The following PTPRJ variants were observed in gnomAD, a reference collection of about 807,000 sequenced individuals.
The protein encoded by PTPRJ is receptor-type tyrosine-protein phosphatase eta.
Under a neutral mutation model 141.3 loss-of-function variants are expected in PTPRJ, and 129 were observed. That is an observed-to-expected ratio of 0.91 (90% confidence interval 0.79 to 1.06). PTPRJ has a LOEUF of 1.06. Ranked by LOEUF, PTPRJ falls within the 50% of genes least tolerant of loss-of-function variation. The pLI, the probability that PTPRJ is intolerant of heterozygous loss-of-function variation, is 0.00. For synonymous variants in PTPRJ, 610 were observed against 640.5 expected (o/e 0.95, Z 0.72); for missense variants, 1,601 against 1,679.7 (o/e 0.95, Z 0.82).
chr11:47,980,772 G>A lies in PTPRJ; in HGVS notation c.-141G>A. On this transcript the variant is annotated 5_prime_UTR_variant, in exon 1 of 25. Coordinates refer to ENST00000418331, the MANE Select transcript of PTPRJ (RefSeq NM_002843.4). The stretch of plus-strand genomic sequence containing the variant: ...CATGTCTCCGGGGAAGCCCGGGGCG[G>A]GCGGAGCGGGGACGAGGCGGACCGG... The A allele has an allele frequency of 2.9e-6, 3 of 1,026,936 alleles. No individual in the cohort carries two copies. Among genetic ancestry groups the A allele is most frequent in the Non-Finnish European group, 3.5e-6 (3 of 859,302 alleles). 63.6% of individuals were successfully genotyped at this position (1,026,936 alleles called of 1,614,324 possible).
intron 1 of PTPRJ, among the ~76,000 whole-genome samples, chr11:48,104,087 C>T (rs942105040): frequency 3.3e-5 from 5 of 152,296 alleles, no homozygotes; most frequent in East Asian, 3.9e-4. Flanking sequence ...GCAGGGAAGC[C>T]GGCCTGTTCT....
chr11:48,043,298 C>T (rs1247877138), intron 1 of PTPRJ, among the ~76,000 whole-genome samples: 2 of 152,170 alleles, frequency 1.3e-5, no homozygotes, highest in African/African-American at 4.8e-5. Context: ...CTCACTGCAG[C>T]TTCGAACAGG....
intron 3 of PTPRJ, among the ~76,000 whole-genome samples, chr11:48,120,147 G>A (rs1856668613): frequency 6.6e-6 from 1 of 152,138 alleles, no homozygotes; most frequent in Admixed American, 6.5e-5. Flanking sequence ...TGTTTAGTGT[G>A]GTGTACTAGA....
At chr11:48,019,276 C>T (rs928148037) in intron 1 of PTPRJ, among the ~76,000 whole-genome samples, 2 of 152,146 alleles carry the variant, frequency 1.3e-5, no homozygotes, top group African/African-American at 4.8e-5. Context: ...GGAAGCATCC[C>T]GCCCTTCTGG....
At position 48,131,649 on chromosome 11, in the gene PTPRJ, T is replaced by C. The variant is rs1353248350; in HGVS notation, c.1615+933T>C. 12 of 678,852 alleles carry C rather than the reference T, an allele frequency of 1.8e-5. No individual in the cohort carries two copies. The East Asian group carries it at 2.9e-4, about 16-fold the overall frequency. 42.1% of individuals were successfully genotyped at this position (678,852 alleles called of 1,614,324 possible). A position where few individuals can be genotyped will look rare whatever the true frequency, so the allele number is the denominator to read the frequency against. On this transcript the variant is annotated intron_variant, in intron 8 of 24. Coordinates refer to ENST00000418331, the MANE Select transcript of PTPRJ (RefSeq NM_002843.4). ...GATCACAGCCATGTTCATTTGCTTA[T>C]GTACTGTCTATGGCTACTTTGGTGC...
intron 1 of PTPRJ, among the ~76,000 whole-genome samples, chr11:48,041,951 T>C (rs937311203): frequency 1.1e-4 from 12 of 113,502 alleles, no homozygotes; most frequent in Admixed American, 7.1e-4. Context: ...GCTTGGGCCC[T>C]GGAAGGTTCC....
chr11:48,118,888 T>G (rs1856632173), intron 3 of PTPRJ, among the ~76,000 whole-genome samples: 1 of 151,864 alleles, frequency 6.6e-6, no homozygotes, highest in South Asian at 2.1e-4. Context: ...GGCATGATGG[T>G]GTGTGCCTTT....
rs1472681 is a variant in PTPRJ at position 48,076,615 on chromosome 11, C to G, written c.97-33443C>G. 5.3e-5 allele frequency among the ~76,000 whole-genome samples: 8 copies of G among 151,630 alleles called. No homozygotes were observed. In the East Asian group the frequency reaches 1.6e-3, roughly 30 times the overall value. ...ACTTCAAAGCTCCCACCAGCTCAGA[C>G]ATACTTGCCACTGAAGCCTGTAGGA... On this transcript the variant is annotated intron_variant, in intron 1 of 24. Coordinates refer to ENST00000418331, the MANE Select transcript of PTPRJ (RefSeq NM_002843.4).
At chr11:48,138,432 C>T (rs576022786) in intron 10 of PTPRJ, among the ~76,000 whole-genome samples, 5 of 152,274 alleles carry the variant, frequency 3.3e-5, no homozygotes, top group African/African-American at 1.2e-4. Context: ...GGTTACCTTT[C>T]CAGGCCCTGG....
intron 1 of PTPRJ, among the ~76,000 whole-genome samples, chr11:48,073,889 A>G (rs982284508): frequency 6.6e-6 from 1 of 152,222 alleles, no homozygotes; most frequent in African/African-American, 2.4e-5. Context: ...GACAGCTTGC[A>G]GCTGTTTTCT....
intron 1 of PTPRJ, among the ~76,000 whole-genome samples, chr11:48,044,507 G>A (rs1854343325): frequency 6.6e-6 from 1 of 152,202 alleles, no homozygotes; most frequent in Non-Finnish European, 1.5e-5. Flanking sequence ...GAGGTTGGGC[G>A]AGGGAATAAC....
intron 1 of PTPRJ, among the ~76,000 whole-genome samples, chr11:48,060,949 C>A: frequency 6.6e-6 from 1 of 152,182 alleles, no homozygotes; most frequent in Non-Finnish European, 1.5e-5. Context: ...CCTGGCTCTG[C>A]CACCATGGCG....
chr11:48,157,045 C>T (rs1010533111), intron 21 of PTPRJ, among the ~76,000 whole-genome samples: 2 of 151,748 alleles, frequency 1.3e-5, no homozygotes, highest in Admixed American at 6.6e-5. Flanking sequence ...GCTGGAGTGC[C>T]GTGGTGTGAT....
Position 47,980,751 on chromosome 11 carries a change from T to C in PTPRJ, c.-162T>C, listed in dbSNP as rs1853877525. ...CGCGGCCGCCGCCGCCGCTGCCATGTCTCCGGGGAAGCCCGGGGCGGGCGG... is the reference window on the plus strand; with the variant it reads ...CGCGGCCGCCGCCGCCGCTGCCATGCCTCCGGGGAAGCCCGGGGCGGGCGG... On this transcript the variant is annotated 5_prime_UTR_variant, in exon 1 of 25. Coordinates refer to ENST00000418331, the MANE Select transcript of PTPRJ (RefSeq NM_002843.4). 4 of 1,015,694 alleles carry C rather than the reference T, an allele frequency of 3.9e-6. No homozygotes were observed. The highest frequency in any genetic ancestry group is 2.0e-4 in the East Asian group (2 of 9,930). 62.9% of individuals were successfully genotyped at this position (1,015,694 alleles called of 1,614,324 possible).
chr11:48,075,629 C>T (rs958535455), intron 1 of PTPRJ, among the ~76,000 whole-genome samples: 4 of 151,618 alleles, frequency 2.6e-5, no homozygotes, highest in Non-Finnish European at 5.9e-5. Flanking sequence ...GATGGGTTCT[C>T]ACTGTGTTGC....
At position 48,130,465 on chromosome 11, in the gene PTPRJ, T is replaced by A. The variant is rs746112198; in HGVS notation, c.1364T>A (p.Val455Asp). The change falls in exon 8 of 25, where the codon GTT (valine) becomes GAT (aspartate). Residue 455 changes from valine to aspartate, a missense_variant. Transcript: ENST00000418331. ...GTTTACTTTCTTTGCATAGCCCCTGTTCCAGTTTCTGACTTCCGAGTGACA... is the reference window on the plus strand; with the variant it reads ...GTTTACTTTCTTTGCATAGCCCCTGATCCAGTTTCTGACTTCCGAGTGACA... The part of the protein sequence containing the change: ...PGFLQVHTPP[V>D]PVSDFRVTVV... The A allele has an allele frequency of 1.9e-6, 3 of 1,611,112 alleles. No homozygotes were observed. In the Admixed American group the frequency reaches 5.0e-5, roughly 27 times the overall value.
intron 1 of PTPRJ, among the ~76,000 whole-genome samples, chr11:48,019,841 C>T (rs1300551211): frequency 3.3e-5 from 5 of 152,088 alleles, no homozygotes; most frequent in South Asian, 2.1e-4. Flanking sequence ...TGGGGACAGG[C>T]GAGGAACCAT....
intron 1 of PTPRJ, among the ~76,000 whole-genome samples, chr11:48,084,010 G>A (rs61915871): frequency 0.03 from 4,634 of 152,276 alleles, 106 homozygotes; most frequent in Non-Finnish European, 0.046. Flanking sequence ...AAGCCATGCA[G>A]GGTAAAAAGA....
intron 1 of PTPRJ, among the ~76,000 whole-genome samples, chr11:48,048,836 T>A (rs1441834898): frequency 6.6e-6 from 1 of 151,992 alleles, no homozygotes. Flanking sequence ...AAATAAACAC[T>A]TTATGTACAC....
Sources: allele counts gnomAD v4.1 joint callset (sites outside exome capture counted in the v4.1 genomes callset), GRCh38; gene constraint gnomAD v4.1.1; transcripts MANE v1.5; gene names NCBI Gene and HGNC (gene_info 2026-07-23, HGNC 2026-07-21).